MIPOL1: variants seen among roughly 807,000 people sequenced by gnomAD.
MIPOL1 encodes the protein mirror-image polydactyly gene 1 protein.
Under a neutral mutation model 60.9 loss-of-function variants are expected in MIPOL1, and 57 were observed. The ratio of observed to expected loss-of-function variants is 0.94; its 90% CI spans 0.76 to 1.17. The LOEUF is 1.17. MIPOL1 is among the 50% of genes most tolerant of loss of function. The pLI, the probability that MIPOL1 is intolerant of heterozygous loss-of-function variation, is 0.00. For synonymous variants in MIPOL1, 179 were observed against 168.8 expected, an observed-to-expected ratio of 1.06 and a Z score of -0.47; for missense variants, 551 against 511.6, an observed-to-expected ratio of 1.08 and a Z score of -0.74.
chr14:37,339,848 T>G lies in MIPOL1; in HGVS notation c.829-29669T>G, dbSNP rs554172614. 5.9e-5 allele frequency among the ~76,000 whole-genome samples: 9 copies of G among 152,256 alleles called. No homozygotes were observed. The East Asian group carries it at 1.6e-3, about 26-fold the overall frequency. ...CCTGTGGAGATTGGTGCAGACTGGC[T>G]TAAGAGGGGGTACCAAGATATTTTC... is the stretch of plus-strand genomic sequence containing the variant. On this transcript the variant is annotated intron_variant, in intron 9 of 12. Transcript: ENST00000684589.
At chr14:37,220,514 A>G (rs1370493592) in intron 1 of MIPOL1, among the ~76,000 whole-genome samples, 3 of 152,198 alleles carry the variant, frequency 2.0e-5, no homozygotes, top group Non-Finnish European at 2.9e-5. Context: ...TGTGTGTTAT[A>G]GCTTATGATA....
At chr14:37,201,135 G>A (rs1965272034) in intron 1 of MIPOL1, among the ~76,000 whole-genome samples, 1 of 151,846 alleles carries the variant, frequency 6.6e-6, no homozygotes. Context: ...AAACTCCTGA[G>A]CTCAAGTGAT....
At chr14:37,270,641 CTTTTTTTTTTT>C in intron 6 of MIPOL1, 116 bp downstream of exon 6, 1 of 211,870 alleles carries the variant, frequency 4.7e-6, no homozygotes. Flanking sequence ...GGAAGCTCTC[CTTTTTTTTTTT>C]TTTTTTTTGG....
intron 11 of MIPOL1, among the ~76,000 whole-genome samples, chr14:37,435,722 G>A (rs1392829925): frequency 6.6e-6 from 1 of 152,040 alleles, no homozygotes; most frequent in East Asian, 1.9e-4. Flanking sequence ...AGTGAGAGAA[G>A]GGGACATTTT....
intron 12 of MIPOL1, among the ~76,000 whole-genome samples, chr14:37,531,955 C>T (rs2095482353): frequency 6.6e-6 from 1 of 151,950 alleles, no homozygotes; most frequent in South Asian, 2.1e-4. Context: ...CCCATGCCCG[C>T]CGTACATTAC....
chr14:37,429,773 T>C lies in MIPOL1; in HGVS notation c.1031+6824T>C, dbSNP rs148069596. ...TTCTCTTTGTGTACTTTTTTTGGTC[T>C]GTGTATATACTGTCCTTAACAGTCA... On this transcript the variant is annotated intron_variant, in intron 11 of 12. Transcript: ENST00000684589. 2.6e-5 allele frequency among the ~76,000 whole-genome samples: 4 copies of C among 152,302 alleles called. No homozygotes were observed. The East Asian group carries it at 7.7e-4, about 29-fold the overall frequency.
intron 3 of MIPOL1, among the ~76,000 whole-genome samples, chr14:37,262,551 C>T (rs1275861325): frequency 1.3e-5 from 2 of 151,840 alleles, no homozygotes; most frequent in African/African-American, 4.8e-5. Flanking sequence ...CTTTTCTCAC[C>T]CCCCAAAAGA....
intron 12 of MIPOL1, among the ~76,000 whole-genome samples, chr14:37,533,020 T>C (rs1374273577): frequency 1.3e-5 from 2 of 152,152 alleles, no homozygotes; most frequent in East Asian, 3.8e-4. Flanking sequence ...ATATGTGTTA[T>C]AGGCTTTATA....
intron 10 of MIPOL1, among the ~76,000 whole-genome samples, chr14:37,398,172 T>C (rs1365802784): frequency 1.3e-5 from 2 of 152,184 alleles, no homozygotes; most frequent in African/African-American, 4.8e-5. Context: ...CCCTGTATTT[T>C]GTTCAGCTCT....
intron 11 of MIPOL1, among the ~76,000 whole-genome samples, chr14:37,473,448 G>T (rs2094719551): frequency 6.6e-6 from 1 of 151,974 alleles, no homozygotes; most frequent in Non-Finnish European, 1.5e-5. Flanking sequence ...ACTATTGCTG[G>T]CCATGTTTGA....
At chr14:37,312,521 T>G (rs2087440822) in intron 9 of MIPOL1, among the ~76,000 whole-genome samples, 1 of 152,198 alleles carries the variant, frequency 6.6e-6, no homozygotes, top group African/African-American at 2.4e-5. Flanking sequence ...TCAGATTCAG[T>G]TATAATTTGT....
At chr14:37,498,070 T>G (rs980178392) in intron 11 of MIPOL1, among the ~76,000 whole-genome samples, 2 of 152,170 alleles carry the variant, frequency 1.3e-5, no homozygotes, top group African/African-American at 2.4e-5. Context: ...AAGCAATGAA[T>G]TATATGCAAC....
intron 1 of MIPOL1, among the ~76,000 whole-genome samples, chr14:37,236,769 G>A (rs1971562305): frequency 1.3e-5 from 2 of 152,052 alleles, no homozygotes; most frequent in Non-Finnish European, 2.9e-5. Context: ...GTTCCTTGTT[G>A]TGTGTGATCA....
intron 12 of MIPOL1, among the ~76,000 whole-genome samples, chr14:37,523,022 A>G (rs1481254061): frequency 6.6e-6 from 1 of 152,120 alleles, no homozygotes; most frequent in Non-Finnish European, 1.5e-5. Context: ...GAACTTTAAA[A>G]TATCATTTAA....
At chr14:37,200,390 G>A (rs970372570) in intron 1 of MIPOL1, among the ~76,000 whole-genome samples, 11 of 152,164 alleles carry the variant, frequency 7.2e-5, no homozygotes, top group African/African-American at 1.9e-4. Context: ...GTTTATATGA[G>A]CATTCAGCAA....
intron 7 of MIPOL1, among the ~76,000 whole-genome samples, chr14:37,287,230 A>T (rs1317418819): frequency 1.3e-5 from 2 of 150,186 alleles, no homozygotes; most frequent in African/African-American, 4.9e-5. Context: ...TATATTTAAA[A>T]ATATATATAT....
intron 10 of MIPOL1, among the ~76,000 whole-genome samples, chr14:37,379,655 G>C (rs1189521495): frequency 6.6e-6 from 1 of 152,028 alleles, no homozygotes; most frequent in Non-Finnish European, 1.5e-5. Context: ...CAAAGTATCA[G>C]AACAGGCATA....
chr14:37,271,024 A>G (rs1390922607), intron 6 of MIPOL1, among the ~76,000 whole-genome samples: 1 of 152,130 alleles, frequency 6.6e-6, no homozygotes, highest in Non-Finnish European at 1.5e-5. Flanking sequence ...TAATAGAGGT[A>G]ATATTTTCCC....
chr14:37,237,262 A>C (rs1971629408), intron 1 of MIPOL1, among the ~76,000 whole-genome samples: 1 of 152,012 alleles, frequency 6.6e-6, no homozygotes, highest in African/African-American at 2.4e-5. Context: ...AGGTCAGCAC[A>C]GACATGCACA....
Sources: allele counts gnomAD v4.1 joint callset (sites outside exome capture counted in the v4.1 genomes callset), GRCh38; gene constraint gnomAD v4.1.1; transcripts MANE v1.5; gene names NCBI Gene and HGNC (gene_info 2026-07-23, HGNC 2026-07-21).